The following B3GAT2 variants were observed in gnomAD, a reference collection of about 807,000 sequenced individuals.
The protein encoded by B3GAT2 is galactosylgalactosylxylosylprotein 3-beta-glucuronosyltransferase 2.
In B3GAT2, 26 loss-of-function variants were observed where a neutral mutation model predicts 27.8. That is an observed-to-expected ratio of 0.93 (90% confidence interval 0.68 to 1.30). B3GAT2 has a LOEUF of 1.30. Among genes scored for constraint, B3GAT2 ranks in the 50% most tolerant of loss-of-function variants. The pLI is 0.00. For synonymous variants in B3GAT2, 218 were observed against 195.1 expected (o/e 1.12, Z -0.98); for missense variants, 458 against 459.0 (o/e 1.00, Z 0.02).
At chr6:70,947,861 C>T (rs185562311) in intron 1 of B3GAT2, among the ~76,000 whole-genome samples, 38 of 152,284 alleles carry the variant, frequency 2.5e-4, no homozygotes, top group Admixed American at 2.0e-3. Context: ...AATCCAGCAG[C>T]ACATCAAAAC....
intron 1 of B3GAT2, among the ~76,000 whole-genome samples, chr6:70,935,461 A>AAT (rs1205743440): frequency 6.7e-6 from 1 of 149,624 alleles, no homozygotes; most frequent in Non-Finnish European, 1.5e-5. Context: ...CTCACTTAAA[A>AAT]ATATATATAT....
At chr6:70,902,428 G>A (rs1326338672) in intron 1 of B3GAT2, among the ~76,000 whole-genome samples, 1 of 151,934 alleles carries the variant, frequency 6.6e-6, no homozygotes, top group Non-Finnish European at 1.5e-5. Context: ...CAGTATGGAG[G>A]CTCTTCAAAA....
intron 1 of B3GAT2, among the ~76,000 whole-genome samples, chr6:70,919,250 T>C (rs1772827478): frequency 2.0e-5 from 3 of 152,248 alleles, no homozygotes; most frequent in Non-Finnish European, 4.4e-5. Flanking sequence ...CTCTATCATG[T>C]CATTTATATT....
At chr6:70,954,676 G>GGGAAT (rs1765622410) in intron 1 of B3GAT2, among the ~76,000 whole-genome samples, 1 of 152,164 alleles carries the variant, frequency 6.6e-6, no homozygotes, top group East Asian at 1.9e-4. Flanking sequence ...TTGGGAGAAG[G>GGGAAT]GGAATTGAGG....
At chr6:70,925,098 G>T (rs981063173) in intron 1 of B3GAT2, among the ~76,000 whole-genome samples, 1 of 152,116 alleles carries the variant, frequency 6.6e-6, no homozygotes, top group Non-Finnish European at 1.5e-5. Context: ...TGATTGCACC[G>T]CCAACCAATC....
chr6:70,860,985 A>G lies in B3GAT2; in HGVS notation c.*678T>C, dbSNP rs897337556. On this transcript the variant is annotated 3_prime_UTR_variant, in exon 4 of 4. Transcript: ENST00000230053. Reference sequence around the variant, plus strand: ...ATTTGGATCTCTTCTTAATGTACATAGTGCTAACATGAAGACCTTTTTCTG... The same window carrying G: ...ATTTGGATCTCTTCTTAATGTACATGGTGCTAACATGAAGACCTTTTTCTG... The G allele has an allele frequency of 6.2e-6, 2 of 324,656 alleles. No homozygotes were observed. Among genetic ancestry groups the G allele is most frequent in the Non-Finnish European group, 1.1e-5 (2 of 179,056 alleles). 20.1% of individuals were successfully genotyped at this position (324,656 alleles called of 1,614,324 possible).
At chr6:70,897,392 C>A (rs1217191070) in intron 1 of B3GAT2, among the ~76,000 whole-genome samples, 1 of 151,882 alleles carries the variant, frequency 6.6e-6, no homozygotes, top group African/African-American at 2.4e-5. Context: ...TTAATGAAGT[C>A]CAATTCATCT....
At chr6:70,945,581 C>T (rs928251408) in intron 1 of B3GAT2, among the ~76,000 whole-genome samples, 2 of 151,078 alleles carry the variant, frequency 1.3e-5, no homozygotes, top group African/African-American at 4.9e-5. Context: ...TGTGAAAAGA[C>T]AAAATCTACG....
At chr6:70,938,487 T>A (rs1442785472) in intron 1 of B3GAT2, among the ~76,000 whole-genome samples, 1 of 151,894 alleles carries the variant, frequency 6.6e-6, no homozygotes, top group Non-Finnish European at 1.5e-5. Flanking sequence ...GGCATCACAC[T>A]ACCTGACTTC....
chr6:70,956,155 G>A lies in B3GAT2; in HGVS notation c.275C>T (p.Pro92Leu), dbSNP rs372158787. Residue 92 changes from proline to leucine, a missense_variant, in exon 1 of 4, where the codon CCG (proline) becomes CTG (leucine). Pro to Leu is a moderately conservative substitution (Grantham distance 98). Transcript: ENST00000230053. ...IYAITPTYSR[P>L]VQKAELTRLA... ...GCGGGTCAGCTCCGCTTTCTGCACC[G>A]GGCGGCTGTAGGTGGGCGTGATGGC... 6.2e-6 allele frequency: 10 copies of A among 1,607,396 alleles called. No individual in the cohort carries two copies. The Admixed American group carries it at 6.7e-5, about 11-fold the overall frequency.
In B3GAT2 at chr6:70,895,313, T is replaced by C. The variant is rs150281347; in HGVS notation, c.592-1041A>G. Among the ~76,000 whole-genome samples, 15 of 152,162 alleles carry C rather than the reference T, an allele frequency of 9.9e-5. 1 individual carries two copies. Among genetic ancestry groups the C allele is most frequent in the African/African-American group, 3.1e-4 (13 of 41,534 alleles). ...GGGTCATAATCAGTTAACCAGTGGT[T>C]AAATAATGAACATCAACCAAGGAAT... On this transcript the variant is annotated intron_variant, in intron 1 of 3. Transcript: ENST00000230053.
chr6:70,881,036 A>C (rs1772091929), intron 2 of B3GAT2, among the ~76,000 whole-genome samples: 1 of 152,088 alleles, frequency 6.6e-6, no homozygotes, highest in African/African-American at 2.4e-5. Context: ...AACATGCTGG[A>C]TTTATAAGTC....
At chr6:70,880,238 ACAG>A (rs1772080764) in intron 2 of B3GAT2, among the ~76,000 whole-genome samples, 1 of 152,134 alleles carries the variant, frequency 6.6e-6, no homozygotes, top group Non-Finnish European at 1.5e-5. Flanking sequence ...GGTTGGCTTA[ACAG>A]CAGCTACATT....
At chr6:70,936,690 G>A (rs927540332) in intron 1 of B3GAT2, among the ~76,000 whole-genome samples, 42 of 152,122 alleles carry the variant, frequency 2.8e-4, no homozygotes, top group Non-Finnish European at 5.6e-4. Context: ...AAATAAAGAT[G>A]TTCTTTGAAA....
intron 1 of B3GAT2, among the ~76,000 whole-genome samples, chr6:70,945,012 C>T (rs924785493): frequency 1.2e-4 from 18 of 152,250 alleles, no homozygotes; most frequent in Non-Finnish European, 2.5e-4. Context: ...AGCTGAGGGT[C>T]CTGTCTGTTA....
intron 1 of B3GAT2, among the ~76,000 whole-genome samples, chr6:70,918,502 C>A (rs952854096): frequency 6.6e-6 from 1 of 152,182 alleles, no homozygotes; most frequent in Admixed American, 6.5e-5. Flanking sequence ...ATGGTCTTTA[C>A]AATTTGTCAT....
chr6:70,916,040 T>C (rs1447602528), intron 1 of B3GAT2, among the ~76,000 whole-genome samples: 1 of 152,220 alleles, frequency 6.6e-6, no homozygotes, highest in Non-Finnish European at 1.5e-5. Context: ...GAGCATGGAA[T>C]GTTCTTCCAT....
chr6:70,944,145 G>A (rs989824695), intron 1 of B3GAT2, among the ~76,000 whole-genome samples: 4 of 152,174 alleles, frequency 2.6e-5, no homozygotes, highest in South Asian at 2.1e-4. Context: ...CAGCGTGAGC[G>A]ACGCAGAAGA....
At position 70,861,684 on chromosome 6, in the gene B3GAT2, G is replaced by A. The variant is rs1771735812; in HGVS notation, c.951C>T (p.Asp317=). 7 of 1,614,004 alleles carry A rather than the reference G, an allele frequency of 4.3e-6. No homozygotes were observed. The highest frequency in any genetic ancestry group is 5.9e-6 in the Non-Finnish European group (7 of 1,179,950). ...NLANEPKYHL[D]TVKIEV ...CAATTTATACCTCAATTTTCACTGTGTCCAGGTGGTACTTTGGCTCGTTGG... is the reference window on the plus strand; with the variant it reads ...CAATTTATACCTCAATTTTCACTGTATCCAGGTGGTACTTTGGCTCGTTGG... The change falls in exon 4 of 4, where the codon GAC becomes GAT. Residue 317 remains aspartate, a synonymous_variant. Transcript: ENST00000230053.
Sources: gnomAD v4.1 joint callset for allele counts (sites outside exome capture counted in the v4.1 genomes callset) on GRCh38, gnomAD v4.1.1 for gene constraint, MANE v1.5 for transcripts, NCBI Gene and HGNC (gene_info 2026-07-23, HGNC 2026-07-21) for gene names.